Variants in OSBPL10 observed in about 807,000 individuals in gnomAD.
OSBPL10 encodes oxysterol binding protein like 10.
A neutral mutation model predicts 81.7 loss-of-function variants in OSBPL10; 49 were observed. That is an observed-to-expected ratio of 0.60 (90% CI 0.48 to 0.76). The LOEUF is 0.76. OSBPL10 is among the 30% of genes least tolerant of loss of function. The pLI is 0.00. For missense variants in OSBPL10, 923 were observed against 987.8 expected (o/e 0.93, Z 0.88); for synonymous variants, 419 against 383.6 (o/e 1.09, Z -1.08).
chr3:31,771,930 C>T (rs1698391092), intron 4 of OSBPL10, among the ~76,000 whole-genome samples: 1 of 152,180 alleles, frequency 6.6e-6, no homozygotes, highest in South Asian at 2.1e-4. Flanking sequence ...GGTCCGGGAA[C>T]ACTATGTCAT....
At position 31,810,176 on chromosome 3, in the gene OSBPL10, T is replaced by C. The variant is rs1699642601; in HGVS notation, c.729+19864A>G. ...ATGAGCCACCGCACCTCGCCCCCTC[T>C]GACTCTTTATACCAAATTTCTTATT... On this transcript the variant is annotated intron_variant, in intron 4 of 11. Coordinates refer to ENST00000396556, the MANE Select transcript of OSBPL10 (RefSeq NM_017784.5). Among the ~76,000 whole-genome samples, 4 of 152,228 alleles carry C rather than the reference T, an allele frequency of 2.6e-5. No individual in the cohort carries two copies. In the South Asian group the frequency reaches 6.2e-4, roughly 24 times the overall value.
intron 4 of OSBPL10, among the ~76,000 whole-genome samples, chr3:31,760,282 G>A (rs939881441): frequency 6.6e-6 from 1 of 152,088 alleles, no homozygotes; most frequent in African/African-American, 2.4e-5. Context: ...TTTGTATTGA[G>A]AAAATCCACA....
At chr3:31,959,175 C>CG (rs1698088375) in intron 1 of OSBPL10, among the ~76,000 whole-genome samples, 1 of 152,150 alleles carries the variant, frequency 6.6e-6, no homozygotes, top group South Asian at 2.1e-4. Context: ...AGAAATGCTA[C>CG]GAGATATCGG....
At chr3:31,715,779 A>G (rs1696411983) in intron 6 of OSBPL10, among the ~76,000 whole-genome samples, 1 of 152,222 alleles carries the variant, frequency 6.6e-6, no homozygotes, top group Non-Finnish European at 1.5e-5. Context: ...CTATATCCAC[A>G]GTTGAAATCA....
At chr3:31,738,641 G>A (rs1221396949) in intron 5 of OSBPL10, among the ~76,000 whole-genome samples, 4 of 152,094 alleles carry the variant, frequency 2.6e-5, no homozygotes, top group African/African-American at 7.2e-5. Flanking sequence ...GGTGACCCAC[G>A]AGGCACGTAC....
chr3:31,809,404 T>C (rs1699610268), intron 4 of OSBPL10, among the ~76,000 whole-genome samples: 1 of 152,198 alleles, frequency 6.6e-6, no homozygotes, highest in Admixed American at 6.5e-5. Context: ...TCCACAAACT[T>C]TAAAATGCTC....
chr3:32,005,802 G>A (rs1205740833), intron 2 of OSBPL10, among the ~76,000 whole-genome samples: 1 of 151,950 alleles, frequency 6.6e-6, no homozygotes, highest in South Asian at 2.1e-4. Context: ...TTAGCCGCAT[G>A]GTCTCAGTCT....
chr3:31,964,127 T>G (rs79115234), intron 1 of OSBPL10, among the ~76,000 whole-genome samples: 6 of 152,182 alleles, frequency 3.9e-5, no homozygotes, highest in African/African-American at 1.4e-4. Flanking sequence ...CAGATGTTTC[T>G]CCAATGATTC....
intron 6 of OSBPL10, among the ~76,000 whole-genome samples, chr3:31,730,065 G>A (rs928849194): frequency 2.6e-5 from 4 of 152,298 alleles, no homozygotes; most frequent in East Asian, 1.9e-4. Flanking sequence ...GAGAGTGGCC[G>A]GGCACGGTGG....
At chr3:31,911,788 G>A (rs1200650469) in intron 1 of OSBPL10, among the ~76,000 whole-genome samples, 1 of 152,128 alleles carries the variant, frequency 6.6e-6, no homozygotes, top group African/African-American at 2.4e-5. Flanking sequence ...CTCAAGCAGG[G>A]AACATGCAAA....
At chr3:31,878,874 T>G (rs1244463988) in intron 2 of OSBPL10, among the ~76,000 whole-genome samples, 4 of 151,928 alleles carry the variant, frequency 2.6e-5, no homozygotes, top group Non-Finnish European at 5.9e-5. Flanking sequence ...CATTTAGATT[T>G]GTTGTTTCAT....
chr3:31,876,152 A>G (rs1701463081), intron 3 of OSBPL10, among the ~76,000 whole-genome samples: 1 of 152,120 alleles, frequency 6.6e-6, no homozygotes, highest in African/African-American at 2.4e-5. Context: ...GAGCTTCTCA[A>G]TAGACCAATT....
intron 10 of OSBPL10, 76 bp from the exon 11 acceptor site, chr3:31,664,308 G>C: frequency 6.6e-7 from 1 of 1,519,278 alleles, no homozygotes; most frequent in Non-Finnish European, 9.0e-7. Flanking sequence ...GCCAGGAGCA[G>C]CCAGAGCAGC....
intron 4 of OSBPL10, among the ~76,000 whole-genome samples, chr3:31,816,871 G>C (rs1217359608): frequency 6.6e-6 from 1 of 152,052 alleles, no homozygotes; most frequent in Non-Finnish European, 1.5e-5. Flanking sequence ...TCTGCCAGTA[G>C]GATGTCTCCG....
At chr3:31,817,980 C>T (rs1255639665) in intron 4 of OSBPL10, among the ~76,000 whole-genome samples, 1 of 152,158 alleles carries the variant, frequency 6.6e-6, no homozygotes, top group Non-Finnish European at 1.5e-5. Flanking sequence ...TGATCACATG[C>T]CTGTGGTCCC....
rs759797326 is a variant in OSBPL10 at position 31,980,951 on chromosome 3, G to A, written c.229C>T (p.Leu77Phe). The change falls in exon 1 of 12, where the codon CTC (leucine) becomes TTC (phenylalanine). Residue 77 changes from leucine to phenylalanine, a missense_variant. Leu to Phe is a conservative substitution (Grantham distance 22). Transcript: ENST00000396556. The stretch of plus-strand genomic sequence containing the variant: ...GTGTATTTGCTGAGCACGCCCTCGA[G>A]CGCCGGCTCCCTCCTGCGGCCGCCT... ...GGGGRRREPA[L>F]EGVLSKYTNL... The A allele has an allele frequency of 5.1e-6, 8 of 1,577,278 alleles. No homozygotes were observed. In the Admixed American group the frequency reaches 1.4e-4, roughly 28 times the overall value.
At chr3:31,748,239 G>T in intron 4 of OSBPL10, 119 bp from the exon 5 acceptor site, 1 of 846,036 alleles carries the variant, frequency 1.2e-6, no homozygotes, top group Non-Finnish European at 1.9e-6. Flanking sequence ...CAGCGTGTTC[G>T]GTGCACATTC....
chr3:31,792,275 C>A (rs891638461), intron 4 of OSBPL10, among the ~76,000 whole-genome samples: 5 of 151,714 alleles, frequency 3.3e-5, no homozygotes, highest in Non-Finnish European at 7.4e-5. Context: ...TCTGGCAAGT[C>A]AAAGAACATT....
At chr3:32,008,461 T>G (rs1699224656) in intron 2 of OSBPL10, among the ~76,000 whole-genome samples, 1 of 151,622 alleles carries the variant, frequency 6.6e-6, no homozygotes, top group Non-Finnish European at 1.5e-5. Flanking sequence ...CCTGAAATAT[T>G]TTTCCATCAT....
Sources: gnomAD v4.1 joint callset for allele counts (sites outside exome capture counted in the v4.1 genomes callset) on GRCh38, gnomAD v4.1.1 for gene constraint, MANE v1.5 for transcripts, NCBI Gene and HGNC (gene_info 2026-07-23, HGNC 2026-07-21) for gene names.